DHRS7C: variants seen among roughly 807,000 people sequenced by gnomAD.
DHRS7C encodes the protein dehydrogenase/reductase SDR family member 7C.
Under a neutral mutation model 29.6 loss-of-function variants are expected in DHRS7C, and 28 were observed. The observed-to-expected ratio is 0.95, with a 90% CI of 0.70 to 1.30. DHRS7C has a LOEUF of 1.30. Among genes scored for constraint, DHRS7C ranks in the 50% most tolerant of loss-of-function variants. The pLI is 0.00. For missense variants in DHRS7C, 403 were observed against 393.3 expected (o/e 1.02, Z -0.21); for synonymous variants, 158 against 160.2 (o/e 0.99, Z 0.10).
rs891061226 is a variant in DHRS7C, at chr17:9,777,243, A to G, written c.521T>C (p.Val174Ala). 1 of 1,613,772 alleles carries G rather than the reference A, an allele frequency of 6.2e-7. No homozygotes were observed. Among genetic ancestry groups the G allele is most frequent in the African/African-American group, 1.3e-5 (1 of 75,004 alleles). Residue 174 changes from valine to alanine, a missense_variant, in exon 4 of 6, where the codon GTG becomes GCG. Transcript: ENST00000571134. ...NMISRRTGQI[V>A]LVNNIQGKFG... is the part of the protein sequence containing the mutation. ...CTTCCCTTGGATATTATTCACTAACACGATTTGGCCTGTTCTCCGGGAGAT... is the reference window on the plus strand; with the variant it reads ...CTTCCCTTGGATATTATTCACTAACGCGATTTGGCCTGTTCTCCGGGAGAT...
chr17:9,782,605 C>T lies in DHRS7C; in HGVS notation c.155-1011G>A, dbSNP rs2066399422. 2.0e-5 allele frequency among the ~76,000 whole-genome samples: 3 copies of T among 152,184 alleles called. No individual in the cohort carries two copies. The South Asian group carries it at 6.2e-4, about 31-fold the overall frequency. ...GTGTAACTCCTAGGTAGGGCAGCGTCCACTGGCAGAGGACAAGTCTTTGGG... is the reference window on the plus strand; with the variant it reads ...GTGTAACTCCTAGGTAGGGCAGCGTTCACTGGCAGAGGACAAGTCTTTGGG... On this transcript the variant is annotated intron_variant, in intron 1 of 5. Coordinates refer to ENST00000571134, the MANE Select transcript of DHRS7C (RefSeq NM_001105571.3).
At chr17:9,772,024 G>T (rs72822104) in intron 5 of DHRS7C, among the ~76,000 whole-genome samples, 9,732 of 152,242 alleles carry the variant, frequency 0.064, 403 homozygotes, top group Non-Finnish European at 0.094. Flanking sequence ...GTTTGTAACT[G>T]TCGTGAAGCT....
At position 9,791,483 on chromosome 17, in the gene DHRS7C, C is replaced by T. The variant is rs570349816; in HGVS notation, c.-199G>A. 6.6e-6 allele frequency among the ~76,000 whole-genome samples: 1 copy of T among 152,198 alleles called. No homozygotes were observed. Among genetic ancestry groups the T allele is most frequent in the South Asian group, 2.1e-4 (1 of 4,826 alleles). On this transcript the variant is annotated 5_prime_UTR_variant, in exon 1 of 6. Coordinates refer to ENST00000571134, the MANE Select transcript of DHRS7C (RefSeq NM_001105571.3). ...ACTCACAGTGTCTCCGAAAGCAGAC[C>T]GAATCCAGGGGGCCTGCCCTCCCCA...
At chr17:9,783,268 G>T (rs1824042588) in intron 1 of DHRS7C, among the ~76,000 whole-genome samples, 2 of 152,192 alleles carry the variant, frequency 1.3e-5, no homozygotes, top group African/African-American at 2.4e-5. Flanking sequence ...ACCTTGAATT[G>T]TTACGGCTGC....
At chr17:9,773,719 CT>C (rs757682123) in intron 4 of DHRS7C, among the ~76,000 whole-genome samples, 216 of 86,002 alleles carry the variant, frequency 2.5e-3, no homozygotes, top group East Asian at 0.024. Context: ...GCAATGAGGC[CT>C]TTTTTTTTTT....
intron 1 of DHRS7C, among the ~76,000 whole-genome samples, chr17:9,789,920 C>T (rs2066445228): frequency 6.6e-6 from 1 of 152,106 alleles, no homozygotes; most frequent in African/African-American, 2.4e-5. Context: ...TACAGGATAT[C>T]CTCTCTGGGA....
rs72822111 is a variant in DHRS7C at position 9,774,256 on chromosome 17, G to A, written c.572-1334C>T. 0.064 allele frequency among the ~76,000 whole-genome samples: 9,751 copies of A among 152,158 alleles called. 402 individuals carry two copies. Among genetic ancestry groups the A allele is most frequent in the Non-Finnish European group, 0.094 (6,422 of 67,976 alleles). ...CTCATTTCATCAGTGGGGCAGACACGTGGACAGGTAACTTTCCATGTGGTG... is the reference window on the plus strand; with the variant it reads ...CTCATTTCATCAGTGGGGCAGACACATGGACAGGTAACTTTCCATGTGGTG... On this transcript the variant is annotated intron_variant, in intron 4 of 5. Coordinates refer to ENST00000571134, the MANE Select transcript of DHRS7C (RefSeq NM_001105571.3). This position sits in a 1 kb window ranked among gnomAD's most constrained non-coding sequence, Gnocchi z 5.0.
chr17:9,771,790 G>T, intron 5 of DHRS7C, 94 bp from the exon 6 acceptor site: 1 of 1,216,878 alleles, frequency 8.2e-7, no homozygotes, highest in South Asian at 2.7e-5. Flanking sequence ...GGGGCGGGAA[G>T]CGTGGGCTGT....
At position 9,791,572 on chromosome 17, in the gene DHRS7C, G is replaced by T. The variant is rs2066455503; in HGVS notation, c.-288C>A. Among the ~76,000 whole-genome samples, 1 of 152,212 alleles carries T rather than the reference G, an allele frequency of 6.6e-6. No homozygotes were observed. The highest frequency in any genetic ancestry group is 1.5e-5 in the Non-Finnish European group (1 of 68,036). ...TTTGGAAGAAAATCCATGTGTTAAGGCCACTTGCTTGGGCCCTAATGGTTA... is the reference window on the plus strand; with the variant it reads ...TTTGGAAGAAAATCCATGTGTTAAGTCCACTTGCTTGGGCCCTAATGGTTA... On this transcript the variant is annotated 5_prime_UTR_variant, in exon 1 of 6. Transcript: ENST00000571134.
intron 1 of DHRS7C, among the ~76,000 whole-genome samples, chr17:9,788,797 C>G (rs1348862096): frequency 3.3e-5 from 5 of 152,204 alleles, no homozygotes; most frequent in African/African-American, 4.8e-5. Context: ...TCACTGCCGT[C>G]AGCAGCGTGG....
At position 9,773,747 on chromosome 17, in the gene DHRS7C, C is replaced by T. The variant is rs1391570665; in HGVS notation, c.572-825G>A. On this transcript the variant is annotated intron_variant, in intron 4 of 5. Coordinates refer to ENST00000571134, the MANE Select transcript of DHRS7C (RefSeq NM_001105571.3). ...TTTTTTTTTTTTTTTTTTTTTGAGA[C>T]GGCGTCTCACTCTGTTGCCCAGGCT... Among the ~76,000 whole-genome samples the T allele has an allele frequency of 8.8e-5, 7 of 79,818 alleles. 1 individual carries two copies. Among genetic ancestry groups the T allele is most frequent in the Admixed American group, 1.6e-4 (1 of 6,248 alleles). The allele number at this position is 79,818 out of a possible 152,430, so 52.4% of individuals were successfully genotyped here. A position where few individuals can be genotyped will look rare whatever the true frequency, so the allele number is the denominator to read the frequency against.
At chr17:9,772,741 G>A in intron 5 of DHRS7C, 26 bp downstream of exon 5, 1 of 1,612,086 alleles carries the variant, frequency 6.2e-7, no homozygotes, top group South Asian at 1.1e-5. Flanking sequence ...GCCCCCAGGG[G>A]CCCCAGCTTC....
intron 1 of DHRS7C, among the ~76,000 whole-genome samples, chr17:9,783,194 TAGG>T (rs1404245585): frequency 6.6e-6 from 1 of 152,144 alleles, no homozygotes; most frequent in Middle Eastern, 3.2e-3. Flanking sequence ...AGGAGGGCTC[TAGG>T]AGAGCTCAGT....
At chr17:9,787,911 A>G (rs1189114004) in intron 1 of DHRS7C, among the ~76,000 whole-genome samples, 2 of 151,960 alleles carry the variant, frequency 1.3e-5, no homozygotes, top group African/African-American at 2.4e-5. Flanking sequence ...GGGTCTTACT[A>G]TGTTGCCCAG....
intron 3 of DHRS7C, among the ~76,000 whole-genome samples, chr17:9,779,394 C>T (rs192749587): frequency 6.6e-6 from 1 of 152,176 alleles, no homozygotes; most frequent in Non-Finnish European, 1.5e-5. Flanking sequence ...TTTTCTTCTT[C>T]ATTTCTGAGG....
At chr17:9,785,074 T>C (rs2066416226) in intron 1 of DHRS7C, 1 of 152,196 alleles carries the variant, frequency 6.6e-6, no homozygotes, top group Admixed American at 6.5e-5. Flanking sequence ...CAAATAGATA[T>C]AAAGATATAA....
chr17:9,786,593 C>CT (rs1205057990), intron 1 of DHRS7C, among the ~76,000 whole-genome samples: 1 of 147,846 alleles, frequency 6.8e-6, no homozygotes, highest in Non-Finnish European at 1.5e-5. Context: ...GTTCTTTTTA[C>CT]TTAAAAAAAT....
At chr17:9,780,268 G>A (rs1219227264) in intron 2 of DHRS7C, among the ~76,000 whole-genome samples, 5 of 152,094 alleles carry the variant, frequency 3.3e-5, no homozygotes, top group Non-Finnish European at 2.9e-5. Context: ...AATATGCAGC[G>A]ATAAATCTAA....
intron 3 of DHRS7C, among the ~76,000 whole-genome samples, chr17:9,777,947 G>A (rs1022859360): frequency 4.6e-5 from 7 of 152,156 alleles, no homozygotes; most frequent in Non-Finnish European, 8.8e-5. Context: ...TCCTCCTAAA[G>A]TGAATTTAAT....
Sources: gnomAD v4.1 joint callset for allele counts (sites outside exome capture counted in the v4.1 genomes callset) on GRCh38, gnomAD v4.1.1 for gene constraint, Gnocchi (gnomAD v3.1) non-coding constraint, MANE v1.5 for transcripts, NCBI Gene and HGNC (gene_info 2026-07-23, HGNC 2026-07-21) for gene names.